DSCAML1: variants seen among roughly 807,000 people sequenced by gnomAD.
DSCAML1 encodes DS cell adhesion molecule like 1, also known as cell adhesion molecule DSCAML1.
A neutral mutation model predicts 200.5 loss-of-function variants in DSCAML1; 38 were observed. The observed-to-expected ratio is 0.19, with a 90% CI of 0.15 to 0.25. The LOEUF (loss-of-function observed/expected upper bound fraction) is 0.25. DSCAML1 is among the 10% of genes least tolerant of loss of function. The pLI is 1.00. For synonymous variants in DSCAML1, 1,215 were observed against 1,165.0 expected, an observed-to-expected ratio of 1.04 and a Z score of -0.87; for missense variants, 2,223 against 2,858.8, an observed-to-expected ratio of 0.78 and a Z score of 5.07.
chr11:117,751,379 C>T (rs1380399621), intron 3 of DSCAML1, among the ~76,000 whole-genome samples: 2 of 150,652 alleles, frequency 1.3e-5, no homozygotes, highest in East Asian at 1.9e-4. Context: ...AAAGGCGATA[C>T]GCTCACACCT....
chr11:117,778,983 C>A (rs2055182827), intron 2 of DSCAML1, among the ~76,000 whole-genome samples: 1 of 152,218 alleles, frequency 6.6e-6, no homozygotes, highest in South Asian at 2.1e-4. Context: ...ACAGCTCTCA[C>A]CCCACCTCAC....
At chr11:117,572,999 C>T (rs1395614096) in intron 3 of DSCAML1, among the ~76,000 whole-genome samples, 5 of 152,210 alleles carry the variant, frequency 3.3e-5, no homozygotes, top group African/African-American at 1.2e-4. Context: ...GATAACAGCA[C>T]TTTCACAGTT....
chr11:117,644,645 G>A (rs1050317326), intron 3 of DSCAML1, among the ~76,000 whole-genome samples: 1 of 152,230 alleles, frequency 6.6e-6, no homozygotes, highest in Admixed American at 6.5e-5. Flanking sequence ...TAGCTGTCAG[G>A]GAGAAGCCGA....
At chr11:117,605,037 G>C (rs921910755) in intron 3 of DSCAML1, among the ~76,000 whole-genome samples, 3 of 152,074 alleles carry the variant, frequency 2.0e-5, no homozygotes, top group African/African-American at 7.2e-5. Flanking sequence ...TTTCTACCCT[G>C]CCTCTCCCTG....
intron 27 of DSCAML1, 64 bp from the exon 28 acceptor site, chr11:117,433,535 G>C: frequency 8.3e-6 from 13 of 1,561,314 alleles, no homozygotes; most frequent in Non-Finnish European, 1.1e-5. Context: ...ATGACAATGG[G>C]AGAGGCATGG....
In DSCAML1 at chr11:117,524,875, G is replaced by T. The variant is rs138320983; in HGVS notation, c.867C>A (p.Ser289Arg). The T allele has an allele frequency of 2.5e-6, 4 of 1,607,904 alleles. No homozygotes were observed. Among genetic ancestry groups the T allele is most frequent in the Non-Finnish European group, 1.7e-6 (2 of 1,177,340 alleles). The stretch of plus-strand genomic sequence containing the variant: ...TGGTGACCTCACAAATGTAGGTGCC[G>T]CTGTCCTCGGTCCGCAAGTCGCTGA... ...LTISDLRTED[S>R]GTYICEVTNT... The change falls in exon 5 of 33, where the codon AGC becomes AGA. Residue 289 changes from serine to arginine, a missense_variant. Ser to Arg is a moderately radical substitution (Grantham distance 110). Around this residue, in one of 7 missense-constraint regions of DSCAML1, gnomAD observed 579 missense variants for 721.5 expected, o/e 0.80. Transcript: ENST00000651296.
intron 11 of DSCAML1, among the ~76,000 whole-genome samples, chr11:117,491,079 G>A (rs1346513150): frequency 1.3e-5 from 2 of 152,308 alleles, no homozygotes; most frequent in African/African-American, 4.8e-5. Context: ...CAAAGGAGAG[G>A]AGCGAGCGAG....
At chr11:117,449,357 G>A (rs1275772908) in intron 20 of DSCAML1, among the ~76,000 whole-genome samples, 1 of 152,106 alleles carries the variant, frequency 6.6e-6, no homozygotes, top group East Asian at 1.9e-4. Context: ...GGTAGTGGCC[G>A]TGAGGATGGA....
intron 3 of DSCAML1, among the ~76,000 whole-genome samples, chr11:117,658,676 AAT>A (rs1459024444): frequency 2.0e-5 from 3 of 152,228 alleles, no homozygotes; most frequent in Non-Finnish European, 4.4e-5. Flanking sequence ...AGAAGAGTGT[AAT>A]ATAAGCATTA....
chr11:117,575,736 G>T (rs1424636265), intron 3 of DSCAML1, among the ~76,000 whole-genome samples: 2 of 152,188 alleles, frequency 1.3e-5, no homozygotes, highest in Non-Finnish European at 2.9e-5. Context: ...GGAGGCTGAG[G>T]TGGGAGGATC....
intron 3 of DSCAML1, among the ~76,000 whole-genome samples, chr11:117,719,563 A>G (rs2054010866): frequency 6.6e-6 from 1 of 152,248 alleles, no homozygotes; most frequent in South Asian, 2.1e-4. Context: ...TTCTCTAGTT[A>G]AGAGTTTGTA....
intron 3 of DSCAML1, among the ~76,000 whole-genome samples, chr11:117,743,386 T>C (rs1385023614): frequency 1.3e-5 from 2 of 152,182 alleles, no homozygotes; most frequent in African/African-American, 4.8e-5. Flanking sequence ...CATATCCCAG[T>C]TGTGACCGAC....
At chr11:117,594,597 C>T (rs1160294146) in intron 3 of DSCAML1, among the ~76,000 whole-genome samples, 3 of 152,198 alleles carry the variant, frequency 2.0e-5, no homozygotes, top group Non-Finnish European at 4.4e-5. Context: ...TTCTGGGTGT[C>T]CCCAGCGGGC....
At chr11:117,433,312 G>T in intron 28 of DSCAML1, 56 bp from the exon 29 acceptor site, 1 of 1,573,112 alleles carries the variant, frequency 6.4e-7, no homozygotes, top group Non-Finnish European at 8.7e-7. Context: ...GTTGGGGAAG[G>T]GGGCTCTGCA....
In DSCAML1 at chr11:117,461,605, G is replaced by A; in HGVS notation, c.3266-9C>T. On this transcript the variant is annotated splice_polypyrimidine_tract_variant and intron_variant, in intron 17 of 32. Coordinates refer to ENST00000651296, the MANE Select transcript of DSCAML1 (RefSeq NM_020693.4). The stretch of plus-strand genomic sequence containing the variant: ...AGGGGGCTGGCTGGGCACTGCAGGG[G>A]GTAGGGGGAGAACCAAGGGTCCAGT... The A allele has an allele frequency of 6.2e-7, 1 of 1,609,146 alleles. No homozygotes were observed. Among genetic ancestry groups the A allele is most frequent in the Middle Eastern group, 1.7e-4 (1 of 6,000 alleles).
intron 1 of DSCAML1, among the ~76,000 whole-genome samples, chr11:117,810,965 C>T (rs1188999523): frequency 6.6e-6 from 1 of 152,168 alleles, no homozygotes; most frequent in Non-Finnish European, 1.5e-5. Context: ...CCTCTCCCCT[C>T]CTCGCCAGAC....
intron 3 of DSCAML1, among the ~76,000 whole-genome samples, chr11:117,533,695 C>G (rs571755041): frequency 1.0e-3 from 156 of 152,226 alleles, no homozygotes; most frequent in Non-Finnish European, 1.9e-3. Flanking sequence ...CCACACAAGA[C>G]CCCCCACTCC....
At chr11:117,560,159 G>A (rs1045783337) in intron 3 of DSCAML1, among the ~76,000 whole-genome samples, 17 of 152,270 alleles carry the variant, frequency 1.1e-4, no homozygotes, top group Admixed American at 9.8e-4. Flanking sequence ...GGCTGGAAAG[G>A]TCTGCATTTT....
intron 3 of DSCAML1, among the ~76,000 whole-genome samples, chr11:117,600,685 T>G (rs2051449479): frequency 6.6e-6 from 1 of 152,216 alleles, no homozygotes; most frequent in Admixed American, 6.5e-5. Context: ...AAGTCCTCAC[T>G]AGGCAGAGAA....
Sources: allele counts gnomAD v4.1 joint callset (sites outside exome capture counted in the v4.1 genomes callset), GRCh38; gene constraint gnomAD v4.1.1; regional missense constraint gnomAD v4.1.1; transcripts MANE v1.5; gene names NCBI Gene and HGNC (gene_info 2026-07-23, HGNC 2026-07-21).